Variants in ATAD2B observed in about 807,000 individuals in gnomAD.
The protein encoded by ATAD2B is ATPase family AAA domain-containing protein 2B.
A neutral mutation model predicts 167.6 loss-of-function variants in ATAD2B; 40 were observed. The ratio of observed to expected loss-of-function variants is 0.24; its 90% CI spans 0.19 to 0.31. ATAD2B has a LOEUF of 0.31. ATAD2B is among the 10% of genes least tolerant of loss of function. The pLI is 1.00. For synonymous variants in ATAD2B, 579 were observed against 596.5 expected (o/e 0.97, Z 0.43); for missense variants, 1,242 against 1,757.2 (o/e 0.71, Z 5.24).
intron 13 of ATAD2B, among the ~76,000 whole-genome samples, chr2:23,835,619 A>G (rs574171167): frequency 6.6e-6 from 1 of 152,268 alleles, no homozygotes; most frequent in East Asian, 1.9e-4. Context: ...ATATACTGAA[A>G]GTCACTGAAC....
chr2:23,770,659 G>A (rs1010133455), intron 22 of ATAD2B, among the ~76,000 whole-genome samples: 1 of 152,128 alleles, frequency 6.6e-6, no homozygotes, highest in African/African-American at 2.4e-5. Context: ...GACCCTCTAT[G>A]TGTGCATCTA....
At chr2:23,704,298 C>CA in the ATAD2B span, among the ~76,000 whole-genome samples, 1 of 152,306 alleles carries the variant, frequency 6.6e-6, no homozygotes, top group East Asian at 1.9e-4. Flanking sequence ...GAGCTGTGCT[C>CA]AGAGTCCCAA....
At chr2:23,887,580 G>A (rs1011522306) in intron 4 of ATAD2B, among the ~76,000 whole-genome samples, 2 of 152,150 alleles carry the variant, frequency 1.3e-5, no homozygotes, top group African/African-American at 4.8e-5. Context: ...TCTGAGAAGA[G>A]TAAAGTTTTA....
chr2:23,910,442 T>G (rs921176391), intron 1 of ATAD2B, among the ~76,000 whole-genome samples: 148 of 151,082 alleles, frequency 9.8e-4, no homozygotes, highest in African/African-American at 3.5e-3. Context: ...CCTCCCAAAG[T>G]GCTGAGATTA....
At chr2:23,679,611 G>T in the ATAD2B span, among the ~76,000 whole-genome samples, 3 of 142,344 alleles carry the variant, frequency 2.1e-5, no homozygotes, top group Admixed American at 2.1e-4. Context: ...CATCACACCA[G>T]ATATATATAT....
At chr2:23,681,492 G>A in the ATAD2B span, among the ~76,000 whole-genome samples, 43 of 152,284 alleles carry the variant, frequency 2.8e-4, no homozygotes, top group African/African-American at 1.0e-3. The surrounding 1 kb of genome is among the most constrained non-coding windows in gnomAD (Gnocchi z 4.2). Context: ...CCCTCAGGAT[G>A]CCTCGGGCCC....
intron 19 of ATAD2B, among the ~76,000 whole-genome samples, chr2:23,797,914 T>C (rs1448063172): frequency 6.6e-6 from 1 of 152,132 alleles, no homozygotes; most frequent in East Asian, 1.9e-4. Flanking sequence ...GTTCTAAGCA[T>C]AAATTATCTC....
At chr2:23,678,847 G>A in the ATAD2B span, among the ~76,000 whole-genome samples, 2 of 152,118 alleles carry the variant, frequency 1.3e-5, no homozygotes, top group African/African-American at 4.8e-5. Context: ...TTATAAGAGG[G>A]TCTAAAATAG....
the ATAD2B span, among the ~76,000 whole-genome samples, chr2:23,726,690 T>C: frequency 6.6e-6 from 1 of 152,220 alleles, no homozygotes; most frequent in Admixed American, 6.5e-5. Context: ...AAGGAAATTC[T>C]GACATGTGCT....
intron 12 of ATAD2B, among the ~76,000 whole-genome samples, chr2:23,861,181 A>C (rs1573093588): frequency 1.3e-5 from 2 of 149,128 alleles, no homozygotes; most frequent in South Asian, 4.2e-4. Context: ...ACACCCTCAC[A>C]GTATTGCAAA....
chr2:23,812,862 A>AAC (rs1220599825), intron 17 of ATAD2B, among the ~76,000 whole-genome samples: 2 of 151,912 alleles, frequency 1.3e-5, no homozygotes, highest in Non-Finnish European at 2.9e-5. Context: ...AAAAAAAAAA[A>AAC]AAATGCTACC....
In ATAD2B at chr2:23,894,466, CA is replaced by C. The variant is rs113301623; in HGVS notation, c.368+1352del. Among the ~76,000 whole-genome samples, 858 of 127,086 alleles carry C rather than the reference CA, an allele frequency of 6.8e-3. 9 individuals carry two copies. The highest frequency in any genetic ancestry group is 0.017 in the African/African-American group (602 of 34,402). The allele number at this position is 127,086 out of a possible 152,430, so 83.4% of individuals were successfully genotyped here. On this transcript the variant is annotated intron_variant, in intron 2 of 27. Coordinates refer to ENST00000238789, the MANE Select transcript of ATAD2B (RefSeq NM_017552.4). The stretch of plus-strand genomic sequence containing the variant: ...ATTGCACTCCAGCAAAACTCCATCT[CA>C]AAAAAAAAAAAGAAAGAAAGAAAAG...
At chr2:23,781,044 GAA>G (rs1426696002) in intron 22 of ATAD2B, among the ~76,000 whole-genome samples, 1 of 151,926 alleles carries the variant, frequency 6.6e-6, no homozygotes, top group East Asian at 1.9e-4. Context: ...GTGAAAAAGC[GAA>G]AAGTGGCTCC....
chr2:23,859,818 G>A (rs918445371), intron 12 of ATAD2B, among the ~76,000 whole-genome samples: 5 of 151,728 alleles, frequency 3.3e-5, no homozygotes, highest in Admixed American at 1.3e-4. Flanking sequence ...CGTGGCGGGG[G>A]GGGCACCTGT....
At chr2:23,765,367 A>G (rs1211470091) in intron 23 of ATAD2B, 139 bp downstream of exon 23, 3 of 699,414 alleles carry the variant, frequency 4.3e-6, no homozygotes, top group Non-Finnish European at 6.1e-6. Flanking sequence ...TACATAACAC[A>G]TTAGTATCAG....
At position 23,914,946 on chromosome 2, in the gene ATAD2B, C is replaced by T. The variant is rs527921773; in HGVS notation, c.216+11609G>A. ...CTTTAAGTACACATATACTTTTCCA[C>T]TCTTGGTGTCTATCTCAAAGAAATT... On this transcript the variant is annotated intron_variant, in intron 1 of 27. Transcript: ENST00000238789. Among the ~76,000 whole-genome samples, 7 of 152,224 alleles carry T rather than the reference C, an allele frequency of 4.6e-5. No homozygotes were observed. In the East Asian group the frequency reaches 1.4e-3, roughly 29 times the overall value.
intron 18 of ATAD2B, among the ~76,000 whole-genome samples, chr2:23,802,220 A>G (rs922546765): frequency 1.3e-5 from 2 of 150,264 alleles, no homozygotes; most frequent in Non-Finnish European, 3.0e-5. Flanking sequence ...ATTTATAAAA[A>G]TTAAAAGGCA....
intron 2 of ATAD2B, among the ~76,000 whole-genome samples, chr2:23,890,551 C>A (rs1363732107): frequency 1.3e-5 from 2 of 152,196 alleles, no homozygotes; most frequent in Non-Finnish European, 2.9e-5. Flanking sequence ...TAAAACCACA[C>A]AGAAAAACCA....
chr2:23,679,986 G>T, the ATAD2B span, among the ~76,000 whole-genome samples: 1 of 152,230 alleles, frequency 6.6e-6, no homozygotes, highest in East Asian at 1.9e-4. Context: ...GGGAGTGGAG[G>T]AGGAGCGGAG....
Sources: allele counts gnomAD v4.1 joint callset (sites outside exome capture counted in the v4.1 genomes callset), GRCh38; gene constraint gnomAD v4.1.1; non-coding constraint Gnocchi (gnomAD v3.1); transcripts MANE v1.5; gene names NCBI Gene and HGNC (gene_info 2026-07-23, HGNC 2026-07-21).